The following PLCL1 variants were observed in gnomAD, a reference collection of about 807,000 sequenced individuals.
PLCL1 encodes phospholipase C like 1 (inactive).
Under a neutral mutation model 84.4 loss-of-function variants are expected in PLCL1, and 41 were observed. That is an observed-to-expected ratio of 0.49 (90% CI 0.38 to 0.63). The LOEUF is 0.63. Ranked by LOEUF, PLCL1 falls within the 30% of genes least tolerant of loss-of-function variation. The pLI, the probability that PLCL1 is intolerant of heterozygous loss-of-function variation, is 0.00. For synonymous variants in PLCL1, 490 were observed against 488.3 expected (o/e 1.00, Z -0.05); for missense variants, 1,206 against 1,367.8 (o/e 0.88, Z 1.87).
At chr2:198,100,281 T>G (rs1034068789) in intron 3 of PLCL1, among the ~76,000 whole-genome samples, 1 of 151,846 alleles carries the variant, frequency 6.6e-6, no homozygotes, top group Non-Finnish European at 1.5e-5. Context: ...GGAAATAATA[T>G]AGGTAAAGAA....
chr2:197,829,428 A>T (rs1310122370), intron 1 of PLCL1, among the ~76,000 whole-genome samples: 2 of 152,208 alleles, frequency 1.3e-5, no homozygotes, highest in Admixed American at 6.6e-5. Flanking sequence ...GCAACATTAC[A>T]CACTATTTCA....
chr2:198,034,143 C>T (rs183133558), intron 1 of PLCL1, among the ~76,000 whole-genome samples: 132 of 152,156 alleles, frequency 8.7e-4, no homozygotes, highest in African/African-American at 3.0e-3. Context: ...TATCCCTCCC[C>T]CTCCCCTCAC....
chr2:198,079,463 T>C (rs925549078), intron 1 of PLCL1, among the ~76,000 whole-genome samples: 1 of 152,048 alleles, frequency 6.6e-6, no homozygotes, highest in Non-Finnish European at 1.5e-5. Flanking sequence ...AAATGATTTC[T>C]GAGTTTAGAA....
chr2:197,972,011 A>G (rs982557497), intron 1 of PLCL1, among the ~76,000 whole-genome samples: 5 of 152,212 alleles, frequency 3.3e-5, no homozygotes, highest in South Asian at 2.1e-4. Context: ...TAAAATGTAC[A>G]TGTTTATAGG....
At chr2:198,056,634 T>C (rs370939852) in intron 1 of PLCL1, among the ~76,000 whole-genome samples, 30 of 152,368 alleles carry the variant, frequency 2.0e-4, no homozygotes, top group East Asian at 9.6e-4. Flanking sequence ...AGAGCTTACA[T>C]AACAGAGAGC....
At chr2:197,871,921 C>T (rs775905077) in intron 1 of PLCL1, among the ~76,000 whole-genome samples, 8 of 152,056 alleles carry the variant, frequency 5.3e-5, no homozygotes, top group Non-Finnish European at 1.2e-4. Context: ...CTTGGAGGCT[C>T]TCTAATAAAC....
chr2:197,984,591 C>CAGT (rs967791043), intron 1 of PLCL1, among the ~76,000 whole-genome samples: 1 of 152,202 alleles, frequency 6.6e-6, no homozygotes, highest in African/African-American at 2.4e-5. Context: ...TTCCTTTTAA[C>CAGT]AGTTTTCTCC....
intron 1 of PLCL1, among the ~76,000 whole-genome samples, chr2:197,857,430 G>A (rs1290935928): frequency 6.6e-6 from 1 of 152,118 alleles, no homozygotes; most frequent in Non-Finnish European, 1.5e-5. Context: ...ATAGGCATAG[G>A]TACACTGAAT....
chr2:198,091,331 AC>A (rs1186235712), intron 3 of PLCL1, among the ~76,000 whole-genome samples: 5 of 152,142 alleles, frequency 3.3e-5, no homozygotes, highest in Admixed American at 2.0e-4. Flanking sequence ...TTAGTGTATT[AC>A]TGTGTGTTAA....
intron 1 of PLCL1, among the ~76,000 whole-genome samples, chr2:198,041,646 G>C (rs1691666768): frequency 6.6e-6 from 1 of 152,186 alleles, no homozygotes. Flanking sequence ...TAGTACTCAT[G>C]ATAGGAATCT....
At chr2:198,130,175 A>G (rs1694085147) in intron 5 of PLCL1, among the ~76,000 whole-genome samples, 1 of 151,936 alleles carries the variant, frequency 6.6e-6, no homozygotes, top group Admixed American at 6.6e-5. Flanking sequence ...TATGTTTTGT[A>G]GAGATAGAAT....
chr2:197,949,304 C>T (rs1689344094), intron 1 of PLCL1, among the ~76,000 whole-genome samples: 1 of 152,078 alleles, frequency 6.6e-6, no homozygotes, highest in South Asian at 2.1e-4. Flanking sequence ...TTCAGATGCC[C>T]AGATTTGTGA....
At chr2:197,902,979 G>C (rs1348152807) in intron 1 of PLCL1, among the ~76,000 whole-genome samples, 2 of 152,184 alleles carry the variant, frequency 1.3e-5, no homozygotes. Flanking sequence ...TACAGTTCAT[G>C]AGATTTTACA....
chr2:198,051,904 C>T (rs978373666), intron 1 of PLCL1, among the ~76,000 whole-genome samples: 1 of 149,924 alleles, frequency 6.7e-6, no homozygotes, highest in Non-Finnish European at 1.5e-5. Flanking sequence ...AGCTAATTAT[C>T]ATTATTATTA....
chr2:197,897,120 CTTCT>C (rs1688153486), intron 1 of PLCL1, among the ~76,000 whole-genome samples: 1 of 32,688 alleles, frequency 3.1e-5, no homozygotes, highest in Non-Finnish European at 5.8e-5. Flanking sequence ...TCTTCTTCTT[CTTCT>C]TCTTCTTCTT....
intron 1 of PLCL1, among the ~76,000 whole-genome samples, chr2:197,849,345 G>T (rs1212586703): frequency 1.3e-5 from 2 of 152,110 alleles, no homozygotes; most frequent in Non-Finnish European, 2.9e-5. Flanking sequence ...CCAGGAGTTT[G>T]AGACCAGCCT....
In PLCL1 at chr2:198,028,088, A is replaced by G. The variant is rs112459473; in HGVS notation, c.241-55670A>G. Among the ~76,000 whole-genome samples the G allele has an allele frequency of 7.4e-3, 1,120 of 152,244 alleles. 18 individuals carry two copies. Among genetic ancestry groups the G allele is most frequent in the African/African-American group, 0.026 (1,080 of 41,558 alleles). On this transcript the variant is annotated intron_variant, in intron 1 of 5. Coordinates refer to ENST00000428675, the MANE Select transcript of PLCL1 (RefSeq NM_006226.4). ...ATCCCTGGCCTTAAGCAATCCTCCC[A>G]TCTCAGCCTCCCAAAGTGTTGGGAT...
At chr2:197,893,822 A>G (rs1183539122) in intron 1 of PLCL1, among the ~76,000 whole-genome samples, 1 of 152,032 alleles carries the variant, frequency 6.6e-6, no homozygotes, top group East Asian at 1.9e-4. Flanking sequence ...TTAAACAAAT[A>G]GGGATTTAAT....
At chr2:197,966,041 C>G (rs1689725843) in intron 1 of PLCL1, among the ~76,000 whole-genome samples, 1 of 152,016 alleles carries the variant, frequency 6.6e-6, no homozygotes, top group Non-Finnish European at 1.5e-5. Context: ...GGTTTTTCTT[C>G]TGGCTCAGGG....
Sources: gnomAD v4.1 joint callset for allele counts (sites outside exome capture counted in the v4.1 genomes callset) on GRCh38, gnomAD v4.1.1 for gene constraint, MANE v1.5 for transcripts, NCBI Gene and HGNC (gene_info 2026-07-23, HGNC 2026-07-21) for gene names.